The following ALPK1 variants were observed in gnomAD, a reference collection of about 807,000 sequenced individuals.
ALPK1 encodes alpha kinase 1.
ALPK1 carries 110 observed loss-of-function variants against 120.6 expected under a neutral mutation model. The observed-to-expected ratio is 0.91, with a 90% confidence interval of 0.78 to 1.07. ALPK1 has a LOEUF of 1.07. ALPK1 is among the 50% of genes least tolerant of loss of function. ALPK1 has a pLI of 0.00. For missense variants in ALPK1, 1,498 were observed against 1,483.9 expected, an observed-to-expected ratio of 1.01 and a Z score of -0.16; for synonymous variants, 582 against 560.3, an observed-to-expected ratio of 1.04 and a Z score of -0.55.
chr4:112,335,150 G>A, intron 2 of ALPK1, among the ~76,000 whole-genome samples: 1 of 152,074 alleles, frequency 6.6e-6, no homozygotes, highest in East Asian at 1.9e-4. Context: ...CTGGCACTTG[G>A]GAGGCTGAGG....
chr4:112,432,571 C>T lies in ALPK1; in HGVS notation c.3024C>T (p.His1008=). 1 of 1,612,128 alleles carries T rather than the reference C, an allele frequency of 6.2e-7. No individual in the cohort carries two copies. The highest frequency in any genetic ancestry group is 8.5e-7 in the Non-Finnish European group (1 of 1,179,758). The change falls in exon 11 of 16, where the codon CAC becomes CAT. Residue 1008 remains histidine (H), a synonymous_variant. Coordinates refer to ENST00000650871, the MANE Select transcript of ALPK1 (RefSeq NM_025144.4). ...NTGVFKPSQL[H]RAHSALLLKY... ...GGGTTTTTAAGCCCAGTCAACTCCA[C>T]CGAGCACATAGTAAGTACAATCTTT...
At chr4:112,356,680 G>A (rs1730636254) in intron 2 of ALPK1, 2 of 967,084 alleles carry the variant, frequency 2.1e-6, no homozygotes, top group Non-Finnish European at 3.3e-6. Flanking sequence ...AAAGCCTGGA[G>A]CAGGAGCTGG....
At chr4:112,438,388 A>G in intron 12 of ALPK1, 96 bp from the exon 13 acceptor site, 2 of 1,138,438 alleles carry the variant, frequency 1.8e-6, no homozygotes, top group Non-Finnish European at 2.5e-6. Context: ...AGATCTTTCA[A>G]GCATTTCTGC....
At chr4:112,439,469 A>G (rs1243881073) in intron 13 of ALPK1, among the ~76,000 whole-genome samples, 1 of 152,226 alleles carries the variant, frequency 6.6e-6, no homozygotes, top group South Asian at 2.1e-4. Flanking sequence ...GTTCTATGAC[A>G]TGCCACATGC....
rs764141692 is a variant in ALPK1, at chr4:112,432,540, A to AT, written c.2994dup (p.Thr999TyrfsTer5). ...GATTGGCTGTTTCAGAGACTAGAGA[A>AT]TACGGGGGTTTTTAAGCCCAGTCAA... On this transcript the variant is annotated frameshift_variant, in exon 11 of 16. Transcript: ENST00000650871. LOFTEE classifies it high-confidence loss of function. 3.9e-4 allele frequency: 634 copies of AT among 1,614,092 alleles called. 1 individual carries two copies. Among genetic ancestry groups the AT allele is most frequent in the Non-Finnish European group, 4.7e-4 (553 of 1,180,036 alleles).
intron 2 of ALPK1, among the ~76,000 whole-genome samples, chr4:112,361,816 G>A (rs1028043054): frequency 6.6e-6 from 1 of 152,214 alleles, no homozygotes; most frequent in African/African-American, 2.4e-5. Flanking sequence ...ACACAAGCAA[G>A]GACCCTCACT....
At chr4:112,397,288 A>G (rs1231045658) in intron 4 of ALPK1, among the ~76,000 whole-genome samples, 1 of 152,238 alleles carries the variant, frequency 6.6e-6, no homozygotes, top group African/African-American at 2.4e-5. Flanking sequence ...AATCTGTCAC[A>G]TTTTGAAAAT....
Position 112,308,909 on chromosome 4 carries a change from C to G in ALPK1, c.-152-6892C>G, listed in dbSNP as rs1018200375. Among the ~76,000 whole-genome samples, 4 of 151,992 alleles carry G rather than the reference C, an allele frequency of 2.6e-5. No homozygotes were observed. The South Asian group carries it at 6.2e-4, about 24-fold the overall frequency. On this transcript the variant is annotated intron_variant, in intron 1 of 15. Coordinates refer to ENST00000650871, the MANE Select transcript of ALPK1 (RefSeq NM_025144.4). ...TACCTTTGGTCTTTGATGATGGTGA[C>G]GTACAGATGGGGTTTTGGTGTGGAT...
At chr4:112,302,736 G>A (rs73843067) in intron 1 of ALPK1, among the ~76,000 whole-genome samples, 5 of 150,766 alleles carry the variant, frequency 3.3e-5, no homozygotes, top group Admixed American at 6.6e-5. Flanking sequence ...AAAAAAGCAA[G>A]CAAACAAACA....
intron 2 of ALPK1, chr4:112,359,804 G>T: frequency 2.4e-6 from 1 of 423,164 alleles, no homozygotes. Context: ...AGGTCTTCTG[G>T]CCAGAGCCCC....
chr4:112,357,243 T>C (rs1356275967), intron 2 of ALPK1: 1 of 1,463,192 alleles, frequency 6.8e-7, no homozygotes. Context: ...CTGGACCAGA[T>C]CATCCAGCAT....
chr4:112,368,478 A>G (rs934507875), intron 2 of ALPK1, among the ~76,000 whole-genome samples: 1 of 151,882 alleles, frequency 6.6e-6, no homozygotes, highest in African/African-American at 2.4e-5. Context: ...TTCATTCATG[A>G]TTTCTTTTTG....
chr4:112,330,049 T>G (rs1729296734), intron 2 of ALPK1, among the ~76,000 whole-genome samples: 1 of 152,208 alleles, frequency 6.6e-6, no homozygotes, highest in Non-Finnish European at 1.5e-5. Flanking sequence ...AAAGTTAAAT[T>G]GAAAAACGCT....
In ALPK1 at chr4:112,431,026, A is replaced by G; in HGVS notation, c.1479A>G (p.Leu493=). 3 of 1,613,360 alleles carry G rather than the reference A, an allele frequency of 1.9e-6. No individual in the cohort carries two copies. Among genetic ancestry groups the G allele is most frequent in the Non-Finnish European group, 2.5e-6 (3 of 1,179,820 alleles). ...DAKTGVCITA[L]KTEIKNIDTV... ...AAACAGGAGTCTGCATCACTGCTCT[A>G]AAAACAGAAATAAAAAACATAGATA... Residue 493 remains leucine (L), a synonymous_variant, in exon 11 of 16, where the codon CTA becomes CTG. Transcript: ENST00000650871.
At chr4:112,304,108 C>T (rs368654844) in intron 1 of ALPK1, among the ~76,000 whole-genome samples, 6 of 152,236 alleles carry the variant, frequency 3.9e-5, no homozygotes, top group South Asian at 4.1e-4. Flanking sequence ...CATAGTATTC[C>T]ATGGTGTATA....
chr4:112,332,994 G>T (rs1436610774), intron 2 of ALPK1, among the ~76,000 whole-genome samples: 1 of 152,164 alleles, frequency 6.6e-6, no homozygotes. Context: ...CCATTTCATG[G>T]AAGGGGCTTT....
intron 1 of ALPK1, among the ~76,000 whole-genome samples, chr4:112,301,435 A>T (rs1176308469): frequency 6.6e-6 from 1 of 152,200 alleles, no homozygotes; most frequent in African/African-American, 2.4e-5. Context: ...AGCAACTGTT[A>T]GAAGCGCCCT....
rs775812079 is a variant in ALPK1, at chr4:112,430,923, A to G, written c.1376A>G (p.Tyr459Cys). 54 of 1,614,076 alleles carry G rather than the reference A, an allele frequency of 3.3e-5. No individual in the cohort carries two copies. The highest frequency in any genetic ancestry group is 4.2e-5 in the Non-Finnish European group (50 of 1,180,016). The change falls in exon 11 of 16, where the codon TAT (tyrosine) becomes TGT (cysteine). Residue 459 changes from tyrosine to cysteine, a missense_variant. Tyr to Cys is a radical substitution (Grantham distance 194, BLOSUM62 -2). Coordinates refer to ENST00000650871, the MANE Select transcript of ALPK1 (RefSeq NM_025144.4). The part of the protein sequence containing the change: ...QGDFQKILDT[Y>C]SQHHTSVCEV... ...GATTTCCAAAAAATCCTTGACACCT[A>G]TTCACAGCACCATACTTCGGTGTGT... is the stretch of plus-strand genomic sequence containing the variant.
chr4:112,298,885 T>TA (rs1727661665), intron 1 of ALPK1, among the ~76,000 whole-genome samples: 2 of 152,178 alleles, frequency 1.3e-5, no homozygotes, highest in Non-Finnish European at 2.9e-5. Flanking sequence ...ACAATTTTAC[T>TA]GATCCCTTTC....
Sources: allele counts gnomAD v4.1 joint callset (sites outside exome capture counted in the v4.1 genomes callset), GRCh38; gene constraint gnomAD v4.1.1; transcripts MANE v1.5; gene names NCBI Gene and HGNC (gene_info 2026-07-23, HGNC 2026-07-21).